Variants in ACYP2 observed in about 807,000 individuals in gnomAD.
ACYP2 encodes the protein acylphosphatase 2.
Under a neutral mutation model 11.2 loss-of-function variants are expected in ACYP2, and 12 were observed. That is an observed-to-expected ratio of 1.08 (90% CI 0.69 to 1.74). The LOEUF is 1.74. Among genes scored for constraint, ACYP2 ranks in the 40% most tolerant of loss-of-function variants. ACYP2 has a pLI of 0.00. For missense variants in ACYP2, 134 were observed against 101.9 expected (o/e 1.31, Z -1.35); for synonymous variants, 43 against 32.2 (o/e 1.33, Z -1.13).
chr2:54,119,051 C>CTTTTTTTTTTTTT (rs10542497), intron 4 of ACYP2, among the ~76,000 whole-genome samples: 1 of 43,772 alleles, frequency 2.3e-5, no homozygotes, highest in African/African-American at 1.1e-4. Context: ...TCTTAGTAGT[C>CTTTTTTTTTTTTT]TTTTTTTTTT....
chr2:54,292,279 C>T (rs987623354), intron 6 of ACYP2, among the ~76,000 whole-genome samples: 1 of 151,880 alleles, frequency 6.6e-6, no homozygotes, highest in Non-Finnish European at 1.5e-5. Context: ...TGCCCTAAAG[C>T]TACATTGTCT....
intron 3 of ACYP2, among the ~76,000 whole-genome samples, chr2:54,056,814 T>G (rs1676176904): frequency 6.6e-6 from 1 of 152,194 alleles, no homozygotes; most frequent in Non-Finnish European, 1.5e-5. Flanking sequence ...ATTCCTATAT[T>G]AAGAATATAA....
chr2:54,212,886 T>G (rs918251968), intron 6 of ACYP2, among the ~76,000 whole-genome samples: 2 of 152,070 alleles, frequency 1.3e-5, no homozygotes, highest in African/African-American at 2.4e-5. Context: ...TACACTCATT[T>G]AAATAGAAGC....
intron 6 of ACYP2, among the ~76,000 whole-genome samples, chr2:54,212,922 T>A (rs62661060): frequency 1.1e-4 from 16 of 151,830 alleles, no homozygotes; most frequent in Admixed American, 6.6e-4. Context: ...TTTTTTTTTT[T>A]AAATGTCATG....
At chr2:54,232,677 G>A (rs571569902) in intron 6 of ACYP2, among the ~76,000 whole-genome samples, 4 of 152,218 alleles carry the variant, frequency 2.6e-5, no homozygotes, top group Admixed American at 2.6e-4. Context: ...CTGCATGGCT[G>A]GGGAGGCCTC....
chr2:54,278,772 C>A (rs1688724597), intron 6 of ACYP2, among the ~76,000 whole-genome samples: 1 of 152,082 alleles, frequency 6.6e-6, no homozygotes, highest in Non-Finnish European at 1.5e-5. Flanking sequence ...CTATAGGTTT[C>A]TTTTGCCAGA....
At chr2:54,221,114 G>T (rs1232410261) in intron 6 of ACYP2, among the ~76,000 whole-genome samples, 1 of 152,114 alleles carries the variant, frequency 6.6e-6, no homozygotes, top group African/African-American at 2.4e-5. Flanking sequence ...CTGGGCAGCT[G>T]CTGCCCCTTC....
At chr2:54,259,128 C>T (rs1170242620) in intron 6 of ACYP2, among the ~76,000 whole-genome samples, 1 of 152,198 alleles carries the variant, frequency 6.6e-6, no homozygotes, top group African/African-American at 2.4e-5. Flanking sequence ...ATGATTTTGA[C>T]ATGAGCAACT....
At chr2:54,224,251 T>C (rs993450610) in intron 6 of ACYP2, among the ~76,000 whole-genome samples, 3 of 152,234 alleles carry the variant, frequency 2.0e-5, no homozygotes, top group African/African-American at 4.8e-5. Flanking sequence ...AGCTTGTACC[T>C]GTGTTCAGCA....
At chr2:54,300,621 T>C (rs1689686691) in intron 6 of ACYP2, among the ~76,000 whole-genome samples, 1 of 152,228 alleles carries the variant, frequency 6.6e-6, no homozygotes, top group Non-Finnish European at 1.5e-5. Context: ...TCTCCTTTCC[T>C]TTCCTCGCTT....
intron 6 of ACYP2, among the ~76,000 whole-genome samples, chr2:54,241,578 T>G (rs188277565): frequency 6.6e-6 from 1 of 152,066 alleles, no homozygotes; most frequent in Non-Finnish European, 1.5e-5. Context: ...CTCCATGAGG[T>G]AGAGATTCGT....
chr2:54,201,239 G>A (rs1029860713), intron 6 of ACYP2, among the ~76,000 whole-genome samples: 45 of 152,098 alleles, frequency 3.0e-4, no homozygotes, highest in South Asian at 1.7e-3. Context: ...CCGAGTAGCA[G>A]GGACCATAGG....
chr2:54,010,539 A>G (rs919908221), intron 2 of ACYP2, among the ~76,000 whole-genome samples: 2 of 151,864 alleles, frequency 1.3e-5, no homozygotes, highest in Non-Finnish European at 2.9e-5. Flanking sequence ...TGTACATTGT[A>G]TGCCTGTATC....
At chr2:54,256,078 C>T in intron 6 of ACYP2, 2 of 1,614,162 alleles carry the variant, frequency 1.2e-6, no homozygotes, top group Non-Finnish European at 1.7e-6. Flanking sequence ...TTCTCGGGAC[C>T]TCTGGCCCTG....
intron 6 of ACYP2, among the ~76,000 whole-genome samples, chr2:54,171,259 T>C (rs1683210093): frequency 6.6e-6 from 1 of 152,056 alleles, no homozygotes; most frequent in African/African-American, 2.4e-5. Context: ...TTTAATCTCA[T>C]AAAACTACTC....
At chr2:54,023,581 G>C (rs1358482583) in intron 2 of ACYP2, among the ~76,000 whole-genome samples, 1 of 152,066 alleles carries the variant, frequency 6.6e-6, no homozygotes, top group East Asian at 1.9e-4. Context: ...GTATTGCATT[G>C]TGACTTGATT....
chr2:54,119,051 CTTTTTTTTT>C (rs10542497), intron 4 of ACYP2, among the ~76,000 whole-genome samples: 70 of 43,772 alleles, frequency 1.6e-3, no homozygotes, highest in African/African-American at 5.6e-3. Context: ...TCTTAGTAGT[CTTTTTTTTT>C]TTTTTTTTTT....
chr2:54,291,380 G>A (rs765842687), intron 6 of ACYP2, among the ~76,000 whole-genome samples: 4 of 151,890 alleles, frequency 2.6e-5, no homozygotes, highest in South Asian at 4.1e-4. Context: ...CATACAGACC[G>A]GCAAAAAAAA....
intron 6 of ACYP2, among the ~76,000 whole-genome samples, chr2:54,259,850 A>G (rs1333328278): frequency 4.6e-5 from 7 of 152,228 alleles, no homozygotes; most frequent in Non-Finnish European, 8.8e-5. Context: ...GAAGCGAAAA[A>G]GTGAAAACAG....
Sources: gnomAD v4.1 joint callset for allele counts (sites outside exome capture counted in the v4.1 genomes callset) on GRCh38, gnomAD v4.1.1 for gene constraint, MANE v1.5 for transcripts, NCBI Gene and HGNC (gene_info 2026-07-23, HGNC 2026-07-21) for gene names.